SLIT3: variants seen among roughly 807,000 people sequenced by gnomAD.
SLIT3 encodes slit homolog 3 protein.
A neutral mutation model predicts 184.0 loss-of-function variants in SLIT3; 68 were observed. That is an observed-to-expected ratio of 0.37 (90% confidence interval 0.30 to 0.45). The LOEUF is 0.45. Among genes scored for constraint, SLIT3 ranks in the 20% least tolerant of loss-of-function variants. SLIT3 has a pLI of 1.00. For missense variants in SLIT3, 1,707 were observed against 2,026.0 expected (o/e 0.84, Z 3.02); for synonymous variants, 831 against 828.6 (o/e 1.00, Z -0.05).
At chr5:168,745,431 AGACAGAG>A (rs1763769972) in intron 20 of SLIT3, among the ~76,000 whole-genome samples, 1 of 149,010 alleles carries the variant, frequency 6.7e-6, no homozygotes, top group Non-Finnish European at 1.5e-5. Context: ...TTTTTTTTTG[AGACAGAG>A]TCTCACTTTA....
At chr5:169,257,080 C>T (rs530593367) in intron 1 of SLIT3, among the ~76,000 whole-genome samples, 3 of 152,254 alleles carry the variant, frequency 2.0e-5, no homozygotes, top group African/African-American at 4.8e-5. Context: ...GTGGACAACT[C>T]ACCAGCCTGA....
At chr5:168,976,843 C>A (rs1754780745) in intron 4 of SLIT3, among the ~76,000 whole-genome samples, 1 of 152,208 alleles carries the variant, frequency 6.6e-6, no homozygotes, top group Non-Finnish European at 1.5e-5. Context: ...GTCTCTTATT[C>A]CTTCTGCATT....
At chr5:168,935,183 A>T (rs1207391903) in intron 4 of SLIT3, among the ~76,000 whole-genome samples, 1 of 151,864 alleles carries the variant, frequency 6.6e-6, no homozygotes, top group East Asian at 1.9e-4. Flanking sequence ...AAAGAATAAT[A>T]ACCCTATTAA....
intron 4 of SLIT3, among the ~76,000 whole-genome samples, chr5:169,081,371 C>A (rs934379103): frequency 6.6e-6 from 1 of 152,164 alleles, no homozygotes; most frequent in African/African-American, 2.4e-5. Flanking sequence ...CAAATGGAAC[C>A]AGAGAGACCC....
Position 168,831,948 on chromosome 5 carries a change from A to G in SLIT3, c.558-8617T>C, listed in dbSNP as rs1276442161. Among the ~76,000 whole-genome samples, 3 of 152,226 alleles carry G rather than the reference A, an allele frequency of 2.0e-5. No individual in the cohort carries two copies. The East Asian group carries it at 5.8e-4, about 29-fold the overall frequency. ...AAAAGTGGAAGATCAAAAGAGAAAG[A>G]TAAATCCTCAAATCCTGTCACTACT... is the stretch of plus-strand genomic sequence containing the variant. On this transcript the variant is annotated intron_variant, in intron 6 of 35. Transcript: ENST00000519560.
chr5:168,992,632 G>GC (rs1755366549), intron 4 of SLIT3, among the ~76,000 whole-genome samples: 1 of 152,150 alleles, frequency 6.6e-6, no homozygotes, highest in South Asian at 2.1e-4. Context: ...GGAAAGGAAG[G>GC]CCTGGGGTCC....
rs1425845108 is a variant in SLIT3 at position 168,851,149 on chromosome 5, CG to C, written c.486-6495del. Among the ~76,000 whole-genome samples, 4 of 152,050 alleles carry C rather than the reference CG, an allele frequency of 2.6e-5. No individual in the cohort carries two copies. The East Asian group carries it at 7.8e-4, about 29-fold the overall frequency. On this transcript the variant is annotated intron_variant, in intron 5 of 35. Transcript: ENST00000519560. ...CCATCCTGGCTCACACGGTGAAACCCGATCTCTACTGAAAATACAAAAAATT... is the reference window on the plus strand; with the variant it reads ...CCATCCTGGCTCACACGGTGAAACCCATCTCTACTGAAAATACAAAAAATT...
rs998446753 is a variant in SLIT3 at position 169,300,773 on chromosome 5, G to A, written c.-64C>T. ...CGGGGCAAGACGCGTGGAGCCCGAG[G>A]AGGCGCGCGGGGAGCGCGGGCGGCC... is the stretch of plus-strand genomic sequence containing the variant. On this transcript the variant is annotated 5_prime_UTR_variant, in exon 1 of 36. Coordinates refer to ENST00000519560, the MANE Select transcript of SLIT3 (RefSeq NM_003062.4). The surrounding 1 kb of genome is among the most constrained non-coding windows in gnomAD (Gnocchi z 4.1). 4.5e-5 allele frequency: 56 copies of A among 1,248,200 alleles called. No individual in the cohort carries two copies. The African/African-American group carries it at 7.2e-4, about 16-fold the overall frequency. The allele number at this position is 1,248,200 out of a possible 1,614,324, so 77.3% of individuals were successfully genotyped here. A position where few individuals can be genotyped will look rare whatever the true frequency, so the allele number is the denominator to read the frequency against.
chr5:168,940,338 G>A (rs1762290950), intron 4 of SLIT3, among the ~76,000 whole-genome samples: 2 of 152,118 alleles, frequency 1.3e-5, no homozygotes, highest in Admixed American at 6.5e-5. Context: ...TGTGCAGTGT[G>A]GTGATTCCAG....
chr5:168,675,506 G>T (rs1761377933), intron 32 of SLIT3, among the ~76,000 whole-genome samples: 1 of 152,144 alleles, frequency 6.6e-6, no homozygotes, highest in South Asian at 2.1e-4. Context: ...TCTGTAAAAG[G>T]GGGATAATAA....
intron 4 of SLIT3, among the ~76,000 whole-genome samples, chr5:168,990,138 G>A (rs947035367): frequency 6.6e-6 from 1 of 152,152 alleles, no homozygotes; most frequent in African/African-American, 2.4e-5. Flanking sequence ...GTCCAACTGA[G>A]GCAAGATTTC....
Position 169,300,480 on chromosome 5 carries a change from G to C in SLIT3, c.197+33C>G, listed in dbSNP as rs1767647090. The C allele has an allele frequency of 3.5e-6, 5 of 1,436,464 alleles. No individual in the cohort carries two copies. The highest frequency in any genetic ancestry group is 1.5e-5 in the African/African-American group (1 of 67,596). The allele number at this position is 1,436,464 out of a possible 1,614,324, so 89.0% of individuals were successfully genotyped here. ...GGCCCCCTCGGTGGGACCCAGGTGG[G>C]TGGCCCGCGTGGGGTGGGGCAGGGG... On this transcript the variant is annotated intron_variant, in intron 1 of 35. Coordinates refer to ENST00000519560, the MANE Select transcript of SLIT3 (RefSeq NM_003062.4). This position sits in a 1 kb window ranked among gnomAD's most constrained non-coding sequence, Gnocchi z 4.1.
chr5:169,038,105 A>G (rs528431838), intron 4 of SLIT3: 1 of 152,394 alleles, frequency 6.6e-6, no homozygotes, highest in East Asian at 1.9e-4. Flanking sequence ...CAAAATGATT[A>G]GAAAAATGAA....
At chr5:169,183,073 G>T (rs1763220944) in intron 4 of SLIT3, among the ~76,000 whole-genome samples, 1 of 152,112 alleles carries the variant, frequency 6.6e-6, no homozygotes, top group Non-Finnish European at 1.5e-5. Flanking sequence ...ATACCCTCCG[G>T]GCTCAGGTTA....
chr5:169,202,855 A>G (rs1763947185), intron 3 of SLIT3, among the ~76,000 whole-genome samples: 1 of 139,930 alleles, frequency 7.1e-6, no homozygotes, highest in Admixed American at 8.0e-5. Context: ...CCTGTACCTC[A>G]CATTGGATTA....
At chr5:168,948,638 T>G (rs1251332910) in intron 4 of SLIT3, among the ~76,000 whole-genome samples, 1 of 152,078 alleles carries the variant, frequency 6.6e-6, no homozygotes, top group Non-Finnish European at 1.5e-5. Context: ...TGTATTTTTT[T>G]CCCCCATTAG....
intron 8 of SLIT3, among the ~76,000 whole-genome samples, chr5:168,810,178 G>A (rs529584148): frequency 6.6e-6 from 1 of 152,302 alleles, no homozygotes; most frequent in African/African-American, 2.4e-5. Flanking sequence ...TTTTTACCCA[G>A]CAAATTATAT....
chr5:169,233,323 G>A (rs905587143), intron 3 of SLIT3, among the ~76,000 whole-genome samples: 22 of 152,180 alleles, frequency 1.4e-4, no homozygotes, highest in South Asian at 4.1e-4. Context: ...GCGCCCGGTC[G>A]GCATTGGTAT....
rs1343609379 is a variant in SLIT3 at position 168,663,920 on chromosome 5, G to C, written c.*2534C>G. ...ATGACTGTTTTTGTCACAGGCTGTA[G>C]GATCCTCAAAGGCAGGATGTGTTTC... On this transcript the variant is annotated 3_prime_UTR_variant, in exon 36 of 36. Transcript: ENST00000519560. The C allele has an allele frequency of 6.6e-6, 1 of 152,196 alleles. No homozygotes were observed. Among genetic ancestry groups the C allele is most frequent in the Non-Finnish European group, 1.5e-5 (1 of 68,046 alleles). The allele number at this position is 152,196 out of a possible 1,614,324, so 9.4% of individuals were successfully genotyped here.
Sources: allele counts gnomAD v4.1 joint callset (sites outside exome capture counted in the v4.1 genomes callset), GRCh38; gene constraint gnomAD v4.1.1; non-coding constraint Gnocchi (gnomAD v3.1); transcripts MANE v1.5; gene names NCBI Gene and HGNC (gene_info 2026-07-23, HGNC 2026-07-21).